Variants in WDFY3 observed in about 807,000 individuals in gnomAD.
The protein encoded by WDFY3 is WD repeat and FYVE domain-containing protein 3.
WDFY3 carries 66 observed loss-of-function variants against 409.6 expected under a neutral mutation model. The ratio of observed to expected loss-of-function variants is 0.16; its 90% CI spans 0.13 to 0.20. The LOEUF (loss-of-function observed/expected upper bound fraction) is 0.20, where lower values mean the gene tolerates loss of function less well. Among genes scored for constraint, WDFY3 ranks in the 10% least tolerant of loss-of-function variants. The probability of loss-of-function intolerance (pLI) is 1.00; values close to 1 mark genes in which losing one functional copy is unlikely to be tolerated. For missense variants in WDFY3, 3,031 were observed against 4,298.1 expected, an observed-to-expected ratio of 0.71 and a Z score of 8.24; for synonymous variants, 1,521 against 1,537.1, an observed-to-expected ratio of 0.99 and a Z score of 0.25.
chr4:84,910,744 C>T (rs751504116), intron 2 of WDFY3, among the ~76,000 whole-genome samples: 6 of 152,148 alleles, frequency 3.9e-5, no homozygotes, highest in African/African-American at 1.2e-4. Flanking sequence ...CTCACTCTGT[C>T]GCCCAGGCTG....
chr4:84,827,474 G>T (rs1755024438), intron 9 of WDFY3, among the ~76,000 whole-genome samples: 1 of 152,026 alleles, frequency 6.6e-6, no homozygotes, highest in South Asian at 2.1e-4. Flanking sequence ...TAAGCTTTCA[G>T]GGGCCATGCA....
chr4:84,764,137 A>G (rs1743187287), intron 32 of WDFY3, among the ~76,000 whole-genome samples: 1 of 152,214 alleles, frequency 6.6e-6, no homozygotes, highest in Non-Finnish European at 1.5e-5. Context: ...GCAAACCACA[A>G]TGTACTATTA....
intron 2 of WDFY3, among the ~76,000 whole-genome samples, chr4:84,913,495 C>T (rs563936721): frequency 1.3e-5 from 2 of 152,174 alleles, no homozygotes; most frequent in Non-Finnish European, 2.9e-5. Context: ...GAAACTCAAA[C>T]GCTAGTACAC....
At chr4:84,953,487 T>A (rs576563763) in intron 1 of WDFY3, among the ~76,000 whole-genome samples, 1 of 152,146 alleles carries the variant, frequency 6.6e-6, no homozygotes, top group Non-Finnish European at 1.5e-5. Context: ...TGTTTCACCA[T>A]TGTAAACATT....
chr4:84,726,847 A>AATTTGTGTT lies in WDFY3; in HGVS notation c.7272+5_7272+13dup. On this transcript the variant is annotated intron_variant, in intron 45 of 67. Coordinates refer to ENST00000295888, the MANE Select transcript of WDFY3 (RefSeq NM_014991.6). Reference sequence around the variant, plus strand: ...CAAGTAGTTTACATTCTTTTACTGTAATTTGTGTTTTACCTTTTGAGGAAT... The same window carrying AATTTGTGTT: ...CAAGTAGTTTACATTCTTTTACTGTAATTTGTGTTATTTGTGTTTTACCTTTTGAGGAAT... The AATTTGTGTT allele has an allele frequency of 6.3e-7, 1 of 1,592,544 alleles. No individual in the cohort carries two copies. The highest frequency in any genetic ancestry group is 8.5e-7 in the Non-Finnish European group (1 of 1,174,056).
At position 84,778,496 on chromosome 4, in the gene WDFY3, T is replaced by C; in HGVS notation, c.4518+7A>G. The C allele has an allele frequency of 5.6e-6, 9 of 1,593,432 alleles. No homozygotes were observed. Among genetic ancestry groups the C allele is most frequent in the Non-Finnish European group, 7.7e-6 (9 of 1,172,846 alleles). Reference sequence around the variant, plus strand: ...TTATATATTATCAATTATGCTTATATACATACTTCAAAATCACAGAGGAGG... The same window carrying C: ...TTATATATTATCAATTATGCTTATACACATACTTCAAAATCACAGAGGAGG... On this transcript the variant is annotated splice_region_variant and intron_variant, in intron 27 of 67. Transcript: ENST00000295888.
chr4:84,785,693 C>G (rs2149513500), intron 24 of WDFY3, among the ~76,000 whole-genome samples: 1 of 152,260 alleles, frequency 6.6e-6, no homozygotes, highest in South Asian at 2.1e-4. Flanking sequence ...GCCTTAAAAA[C>G]AGTAATTGTT....
intron 1 of WDFY3, among the ~76,000 whole-genome samples, chr4:84,948,635 A>G (rs757786694): frequency 2.6e-5 from 4 of 152,164 alleles, no homozygotes; most frequent in Non-Finnish European, 4.4e-5. Flanking sequence ...CAGATTAGAT[A>G]GTTAGGATTT....
chr4:84,887,741 T>C (rs1439311908), intron 3 of WDFY3, among the ~76,000 whole-genome samples: 1 of 152,202 alleles, frequency 6.6e-6, no homozygotes, highest in Non-Finnish European at 1.5e-5. Flanking sequence ...AAAATTTGAA[T>C]TCAAGACATA....
intron 2 of WDFY3, among the ~76,000 whole-genome samples, chr4:84,918,314 AG>A (rs1768777990): frequency 6.6e-6 from 1 of 152,186 alleles, no homozygotes; most frequent in African/African-American, 2.4e-5. Context: ...AACATAGAAA[AG>A]AAGATGAATG....
At chr4:84,868,033 G>C (rs991985136) in intron 3 of WDFY3, among the ~76,000 whole-genome samples, 1 of 151,720 alleles carries the variant, frequency 6.6e-6, no homozygotes, top group African/African-American at 2.4e-5. Flanking sequence ...GCCGGGGATG[G>C]TGTCATGCGC....
chr4:84,837,410 T>C (rs889068939), intron 6 of WDFY3, among the ~76,000 whole-genome samples: 3 of 152,176 alleles, frequency 2.0e-5, no homozygotes, highest in Non-Finnish European at 4.4e-5. Flanking sequence ...TTCAGCAAAC[T>C]ACTTAATTCT....
chr4:84,931,686 A>G (rs1418106248), intron 2 of WDFY3, among the ~76,000 whole-genome samples: 1 of 152,150 alleles, frequency 6.6e-6, no homozygotes, highest in Non-Finnish European at 1.5e-5. Flanking sequence ...ATTACTTGCA[A>G]TCAACAGAGA....
At chr4:84,845,548 A>T (rs1477943581) in intron 5 of WDFY3, among the ~76,000 whole-genome samples, 1 of 152,176 alleles carries the variant, frequency 6.6e-6, no homozygotes, top group East Asian at 1.9e-4. Context: ...ACACTTAAAA[A>T]TTGGTTAAGA....
At chr4:84,937,027 C>A (rs556478596) in intron 1 of WDFY3, among the ~76,000 whole-genome samples, 1 of 152,106 alleles carries the variant, frequency 6.6e-6, no homozygotes, top group African/African-American at 2.4e-5. Context: ...CAAAACCTCT[C>A]GACTCCTTAT....
intron 51 of WDFY3, among the ~76,000 whole-genome samples, chr4:84,709,557 C>G (rs1310291050): frequency 6.6e-6 from 1 of 152,160 alleles, no homozygotes; most frequent in African/African-American, 2.4e-5. Flanking sequence ...CAGAGGACAT[C>G]AGAAGGCATC....
intron 18 of WDFY3, 87 bp downstream of exon 18, chr4:84,797,909 G>T: frequency 8.0e-7 from 1 of 1,257,144 alleles, no homozygotes; most frequent in Non-Finnish European, 1.1e-6. Flanking sequence ...CTCTTTCTTT[G>T]CTTTCACAAA....
chr4:84,953,435 G>A (rs1001046180), intron 1 of WDFY3, among the ~76,000 whole-genome samples: 3 of 151,876 alleles, frequency 2.0e-5, no homozygotes, highest in African/African-American at 7.3e-5. Flanking sequence ...TTTGACACAG[G>A]GGAAAAATGG....
intron 2 of WDFY3, among the ~76,000 whole-genome samples, chr4:84,931,549 T>C (rs989632809): frequency 3.3e-5 from 5 of 152,158 alleles, no homozygotes; most frequent in African/African-American, 9.7e-5. Flanking sequence ...GCTGAGAGCC[T>C]GCGGGAAATC....
Sources: gnomAD v4.1 joint callset for allele counts (sites outside exome capture counted in the v4.1 genomes callset) on GRCh38, gnomAD v4.1.1 for gene constraint, MANE v1.5 for transcripts, NCBI Gene and HGNC (gene_info 2026-07-23, HGNC 2026-07-21) for gene names.